Variants in NLGN3 observed in about 807,000 individuals in gnomAD.
NLGN3 encodes the protein neuroligin 3, also known as neuroligin-3.
A neutral mutation model predicts 42.9 loss-of-function variants in NLGN3; 11 were observed. That is an observed-to-expected ratio of 0.26 (90% CI 0.16 to 0.42). The LOEUF (loss-of-function observed/expected upper bound fraction) is 0.42, where lower values mean the gene tolerates loss of function less well. Ranked by LOEUF, NLGN3 falls within the 10% of genes least tolerant of loss-of-function variation. The pLI, the probability that NLGN3 is intolerant of heterozygous loss-of-function variation, is 1.00. For missense variants in NLGN3, 374 were observed against 733.8 expected, an observed-to-expected ratio of 0.51 and a Z score of 5.67; for synonymous variants, 279 against 312.7, an observed-to-expected ratio of 0.89 and a Z score of 1.14.
intron 1 of NLGN3, among the ~76,000 whole-genome samples, chrX:71,146,779 A>C (rs920918634): frequency 9.0e-6 from 1 of 111,477 alleles, no homozygotes; most frequent in Non-Finnish European, 1.9e-5. Flanking sequence ...GAGTCTCTGA[A>C]TATGTGTTCC....
chrX:71,148,082 C>T lies in NLGN3; in HGVS notation c.333C>T (p.His111=), dbSNP rs757165854. 3.3e-6 allele frequency: 4 copies of T among 1,210,666 alleles called. No individual in the cohort carries two copies. In the South Asian group the frequency reaches 5.3e-5, roughly 16 times the overall value. The change falls in exon 2 of 8, where the codon CAC becomes CAT. Residue 111 remains histidine (H), a synonymous_variant. Transcript: ENST00000358741. The stretch of plus-strand genomic sequence containing the variant: ...CCCCAGTGTGCCCCCAGAACATCCA[C>T]ACAGCTGTGCCCGAAGTCATGCTGC... The part of the protein sequence containing the change: ...HFPPVCPQNI[H]TAVPEVMLPV...
At chrX:71,154,933 C>G in intron 4 of NLGN3, among the ~76,000 whole-genome samples, 1 of 112,652 alleles carries the variant, frequency 8.9e-6, no homozygotes, top group Non-Finnish European at 1.9e-5. Flanking sequence ...CCCCCAGGGC[C>G]CAGCCATGGC....
intron 3 of NLGN3, among the ~76,000 whole-genome samples, chrX:71,149,769 C>A (rs1220825741): frequency 9.0e-6 from 1 of 110,776 alleles, no homozygotes; most frequent in Non-Finnish European, 1.9e-5. Context: ...ACCTTCAGGG[C>A]GTGTTCTTTC....
intron 6 of NLGN3, among the ~76,000 whole-genome samples, chrX:71,166,055 CT>C (rs1008035212): frequency 4.2e-4 from 44 of 105,651 alleles, no homozygotes; most frequent in Non-Finnish European, 5.7e-4. Context: ...GAATGATATC[CT>C]TTTTTTTTTT....
intron 1 of NLGN3, among the ~76,000 whole-genome samples, chrX:71,146,178 C>G (rs1226983998): frequency 0.025 from 1,695 of 68,644 alleles, 11 homozygotes; most frequent in East Asian, 0.04. Context: ...CACAGACACA[C>G]ACACACACAC....
intron 5 of NLGN3, among the ~76,000 whole-genome samples, chrX:71,157,016 C>G (rs2092411810): frequency 1.8e-5 from 2 of 111,067 alleles, no homozygotes. Flanking sequence ...CTCCCCCAAG[C>G]CCCGCATCCC....
At chrX:71,146,961 A>C (rs2036161598) in intron 1 of NLGN3, among the ~76,000 whole-genome samples, 1 of 111,503 alleles carries the variant, frequency 9.0e-6, no homozygotes, top group Non-Finnish European at 1.9e-5. Context: ...GGAGAAATGT[A>C]CAGGAGGGGC....
intron 1 of NLGN3, among the ~76,000 whole-genome samples, chrX:71,145,655 G>T (rs748400866): frequency 9.1e-6 from 1 of 109,368 alleles, no homozygotes; most frequent in East Asian, 2.9e-4. Flanking sequence ...TTTGGGGGTC[G>T]GTCCGATTGT....
intron 5 of NLGN3, among the ~76,000 whole-genome samples, chrX:71,157,284 T>C (rs2092412637): frequency 1.1e-5 from 1 of 93,104 alleles, no homozygotes; most frequent in African/African-American, 4.6e-5. Context: ...TTATTTTAAT[T>C]TGCTTATTTA....
intron 6 of NLGN3, among the ~76,000 whole-genome samples, chrX:71,164,721 C>T (rs2092441316): frequency 9.0e-6 from 1 of 111,530 alleles, no homozygotes; most frequent in South Asian, 3.8e-4. Flanking sequence ...AAGAAACATC[C>T]ATTCTCTGCC....
intron 3 of NLGN3, among the ~76,000 whole-genome samples, chrX:71,153,194 T>G (rs1463216665): frequency 1.8e-5 from 2 of 112,427 alleles, no homozygotes; most frequent in African/African-American, 6.5e-5. Context: ...ACCTCCTTCC[T>G]CACTGGAAAG....
intron 3 of NLGN3, among the ~76,000 whole-genome samples, chrX:71,150,668 C>T (rs2092387473): frequency 2.0e-5 from 2 of 100,618 alleles, no homozygotes; most frequent in Non-Finnish European, 4.0e-5. Flanking sequence ...TGCCACTGCA[C>T]TCCAGCCTGG....
intron 3 of NLGN3, among the ~76,000 whole-genome samples, chrX:71,149,470 G>A (rs746277753): frequency 1.3e-4 from 15 of 111,698 alleles, no homozygotes; most frequent in Non-Finnish European, 2.4e-4. Context: ...GGGAACTATG[G>A]ACTTTAAAGG....
chrX:71,146,383 G>C (rs182213708), intron 1 of NLGN3, among the ~76,000 whole-genome samples: 1 of 109,311 alleles, frequency 9.1e-6, no homozygotes, highest in African/African-American at 3.3e-5. Flanking sequence ...GTGTGTGCGT[G>C]TGTGTGCGGG....
downstream of NLGN3, chrX:71,171,837 G>T (rs1280324845): frequency 8.1e-6 from 1 of 123,916 alleles, no homozygotes; most frequent in African/African-American, 3.2e-5. Context: ...CATGGATTCA[G>T]TGGGGCCTCA....
At chrX:71,148,355 C>A (rs997046728) in intron 2 of NLGN3, 149 bp downstream of exon 2, 5 of 493,940 alleles carry the variant, frequency 1.0e-5, no homozygotes, top group East Asian at 7.4e-5. Context: ...CTCCCACCCC[C>A]CTCCCTGTTC....
chrX:71,172,610 CTG>C (rs1265382880), downstream of NLGN3, among the ~76,000 whole-genome samples: 2 of 94,651 alleles, frequency 2.1e-5, no homozygotes, highest in African/African-American at 4.6e-5. Context: ...GGACTAGGTG[CTG>C]TGTGTGTGTG....
intron 5 of NLGN3, among the ~76,000 whole-genome samples, chrX:71,156,085 G>A (rs1286699955): frequency 1.8e-5 from 2 of 109,650 alleles, no homozygotes; most frequent in East Asian, 5.7e-4. Flanking sequence ...CGATACCCAC[G>A]ATGCATACAC....
In NLGN3 at chrX:71,164,241, G is replaced by C; in HGVS notation, c.826G>C (p.Gly276Arg). The C allele has an allele frequency of 6.6e-6, 8 of 1,212,250 alleles. No homozygotes were observed. Among genetic ancestry groups the C allele is most frequent in the Non-Finnish European group, 8.9e-6 (8 of 895,491 alleles). Reference protein sequence around the residue: ...RWVSENIAFFGGDPRRITVFG... With the variant: ...RWVSENIAFFRGDPRRITVFG... ...GGTGAGCGAGAATATTGCCTTCTTC[G>C]GGGGAGACCCCCGCCGGATCACTGT... Residue 276 changes from glycine to arginine, a missense_variant, in exon 6 of 8, where the codon GGG (glycine) becomes CGG (arginine). Physicochemically the swap from Gly to Arg is moderately radical, Grantham distance 125. This residue lies in a region of NLGN3 where 28 missense variants were observed against 48.2 expected (regional missense o/e 0.58). Transcript: ENST00000358741.
Sources: allele counts gnomAD v4.1 joint callset (sites outside exome capture counted in the v4.1 genomes callset), GRCh38; gene constraint gnomAD v4.1.1; regional missense constraint gnomAD v4.1.1; transcripts MANE v1.5; gene names NCBI Gene and HGNC (gene_info 2026-07-23, HGNC 2026-07-21).